TCAF1: variants seen among roughly 807,000 people sequenced by gnomAD.
TCAF1 encodes TRPM8 channel-associated factor 1.
Under a neutral mutation model 27.3 loss-of-function variants are expected in TCAF1, and 4 were observed. The observed-to-expected ratio is 0.15, with a 90% confidence interval of 0.07 to 0.34. TCAF1 has a LOEUF of 0.34. Among genes scored for constraint, TCAF1 ranks in the 10% least tolerant of loss-of-function variants. The pLI is 1.00. For synonymous variants in TCAF1, 105 were observed against 167.1 expected (o/e 0.63, Z 2.87); for missense variants, 257 against 425.8 (o/e 0.60, Z 3.49).
chr7:143,878,161 T>C (rs939779740), intron 1 of TCAF1, among the ~76,000 whole-genome samples: 1 of 152,240 alleles, frequency 6.6e-6, no homozygotes, highest in Non-Finnish European at 1.5e-5. Context: ...TGCCTTTTCA[T>C]AAGTATTATT....
intron 1 of TCAF1, chr7:143,884,859 A>G: frequency 8.4e-6 from 3 of 357,952 alleles, no homozygotes; most frequent in Non-Finnish European, 1.2e-5. Context: ...ATTTCATAAT[A>G]AAATAAAATA....
intron 1 of TCAF1, among the ~76,000 whole-genome samples, chr7:143,886,205 T>C (rs1269408437): frequency 6.6e-6 from 1 of 152,184 alleles, no homozygotes; most frequent in East Asian, 1.9e-4. Flanking sequence ...GAGATTTGCA[T>C]GGCCCCTGTC....
At chr7:143,895,642 T>G (rs1813838389) in intron 1 of TCAF1, among the ~76,000 whole-genome samples, 1 of 151,768 alleles carries the variant, frequency 6.6e-6, no homozygotes, top group African/African-American at 2.4e-5. Flanking sequence ...CTCAGGGTTT[T>G]TTTTTGTAAA....
chr7:143,885,777 T>G (rs946079037), intron 1 of TCAF1, among the ~76,000 whole-genome samples: 5 of 152,128 alleles, frequency 3.3e-5, no homozygotes, highest in African/African-American at 1.2e-4. Flanking sequence ...TGTTCATATG[T>G]ACTTATATAA....
chr7:143,851,452 G>A lies in TCAF1; in HGVS notation c.*2681C>T, dbSNP rs1277373845. Reference sequence around the variant, plus strand: ...GGTAAAAAATTAAATAGTACAGAAGGACTTAAAATGAAAAACACAGTTTCC... The same window carrying A: ...GGTAAAAAATTAAATAGTACAGAAGAACTTAAAATGAAAAACACAGTTTCC... On this transcript the variant is annotated 3_prime_UTR_variant, in exon 9 of 9. Transcript: ENST00000479870. The A allele has an allele frequency of 6.6e-6, 1 of 152,222 alleles. No homozygotes were observed. The highest frequency in any genetic ancestry group is 2.4e-5 in the African/African-American group (1 of 41,446). The allele number at this position is 152,222 out of a possible 1,614,324, so 9.4% of individuals were successfully genotyped here. A position where few individuals can be genotyped will look rare whatever the true frequency, so the allele number is the denominator to read the frequency against.
rs548632296 is a variant in TCAF1 at position 143,899,490 on chromosome 7, C to A, written c.-15+2471G>T. On this transcript the variant is annotated intron_variant, in intron 1 of 8. Transcript: ENST00000479870. ...GAATAAACAACATAAAAATCAGTTT[C>A]CATGTGGATTAAGACTAATTGCCAA... Among the ~76,000 whole-genome samples the A allele has an allele frequency of 1.1e-4, 16 of 152,294 alleles. No individual in the cohort carries two copies. In the South Asian group the frequency reaches 3.3e-3, roughly 32 times the overall value.
chr7:143,892,297 T>C (rs1283892760), intron 1 of TCAF1, among the ~76,000 whole-genome samples: 1 of 152,028 alleles, frequency 6.6e-6, no homozygotes, highest in Admixed American at 6.6e-5. Context: ...AAACTTAAAA[T>C]TTTGCATTGA....
At chr7:143,885,332 G>C (rs1469034675) in intron 1 of TCAF1, 14 of 985,390 alleles carry the variant, frequency 1.4e-5, no homozygotes, top group Non-Finnish European at 1.7e-5. Flanking sequence ...TGGCTAGGAG[G>C]AGGCGTGTGG....
intron 1 of TCAF1, among the ~76,000 whole-genome samples, chr7:143,877,964 G>A (rs527381165): frequency 2.6e-5 from 4 of 152,158 alleles, no homozygotes; most frequent in East Asian, 1.9e-4. Context: ...AACATAATAC[G>A]CAACCTGATT....
chr7:143,898,501 ATAAT>A (rs765680355), intron 1 of TCAF1, among the ~76,000 whole-genome samples: 25 of 152,194 alleles, frequency 1.6e-4, no homozygotes, highest in East Asian at 5.8e-4. Context: ...TGATTGATAT[ATAAT>A]TAATATATAA....
chr7:143,894,644 T>C (rs1182288213), intron 1 of TCAF1, among the ~76,000 whole-genome samples: 1 of 151,684 alleles, frequency 6.6e-6, no homozygotes, highest in Non-Finnish European at 1.5e-5. Context: ...GACCTAGAGG[T>C]AGGCAAAATT....
intron 1 of TCAF1, chr7:143,885,149 G>A (rs759892473): frequency 2.5e-5 from 25 of 985,474 alleles, no homozygotes; most frequent in Non-Finnish European, 2.9e-5. Context: ...AGCCGCCCCT[G>A]AATTGGTCCG....
At chr7:143,900,818 A>C (rs1394780575) in intron 1 of TCAF1, among the ~76,000 whole-genome samples, 2 of 152,208 alleles carry the variant, frequency 1.3e-5, no homozygotes, top group African/African-American at 4.8e-5. Flanking sequence ...TACACCTTAA[A>C]TGACGAAAAC....
chr7:143,875,997 C>T lies in TCAF1; in HGVS notation c.612G>A (p.Val204=). 6.4e-7 allele frequency: 1 copy of T among 1,554,302 alleles called. No individual in the cohort carries two copies. Among genetic ancestry groups the T allele is most frequent in the Non-Finnish European group, 8.7e-7 (1 of 1,149,326 alleles). ...KVSKKMPKIP[V]LVSCEDDLSD... is the part of the protein sequence containing the mutation. The stretch of plus-strand genomic sequence containing the variant: ...TGGGGTAACATACTCACCTAACCAA[C>T]ACTGGGATCTTGGGCATCTTCTTGG... Residue 204 remains valine, a synonymous_variant, in exon 2 of 9, where the codon GTG becomes GTA. Coordinates refer to ENST00000479870, the MANE Select transcript of TCAF1 (RefSeq NM_014719.3).
chr7:143,898,008 T>G lies in TCAF1; in HGVS notation c.-15+3953A>C, dbSNP rs772938397. Among the ~76,000 whole-genome samples the G allele has an allele frequency of 1.2e-4, 18 of 152,254 alleles. No homozygotes were observed. In the South Asian group the frequency reaches 1.4e-3, roughly 12 times the overall value. ...TCCACATACAGAAATTACTACATAT[T>G]TACCACAAAAGGTTTATTCCAAGAA... On this transcript the variant is annotated intron_variant, in intron 1 of 8. Transcript: ENST00000479870.
chr7:143,900,497 G>A (rs1814068800), intron 1 of TCAF1, among the ~76,000 whole-genome samples: 1 of 152,128 alleles, frequency 6.6e-6, no homozygotes, highest in South Asian at 2.1e-4. Flanking sequence ...GCAGTCATGT[G>A]AGTAAGCCTG....
In TCAF1 at chr7:143,876,105, G is replaced by A. The variant is rs117822670; in HGVS notation, c.504C>T (p.Phe168=). Residue 168 remains phenylalanine (F), a synonymous_variant, in exon 2 of 9, where the codon TTC becomes TTT. Transcript: ENST00000479870. ...ANQGEDERVL[F]TFPGNLVTSV... ...TGGTCACGAGGTTCCCAGGGAACGT[G>A]AACAGAACCCTTTCATCCTCCCCCT... The A allele has an allele frequency of 7.9e-4, 1,283 of 1,614,164 alleles. 3 individuals are homozygous for A. Among genetic ancestry groups the A allele is most frequent in the Non-Finnish European group, 1.0e-3 (1,224 of 1,180,026 alleles).
intron 5 of TCAF1, among the ~76,000 whole-genome samples, chr7:143,860,741 A>C (rs1812000516): frequency 1.4e-5 from 2 of 147,906 alleles, no homozygotes; most frequent in Admixed American, 6.8e-5. Context: ...TACCCACCCC[A>C]CTGACAGGCC....
rs117382947 is a variant in TCAF1 at position 143,901,032 on chromosome 7, T to C, written c.-15+929A>G. On this transcript the variant is annotated intron_variant, in intron 1 of 8. Transcript: ENST00000479870. Reference sequence around the variant, plus strand: ...ACGAAAGATGTCACATCTCAGAGAATGGAGGAGAATGGACCATGGGCATCA... The same window carrying C: ...ACGAAAGATGTCACATCTCAGAGAACGGAGGAGAATGGACCATGGGCATCA... 5.3e-5 allele frequency among the ~76,000 whole-genome samples: 8 copies of C among 152,280 alleles called. No homozygotes were observed. In the East Asian group the frequency reaches 9.6e-4, roughly 18 times the overall value.
Sources: gnomAD v4.1 joint callset for allele counts (sites outside exome capture counted in the v4.1 genomes callset) on GRCh38, gnomAD v4.1.1 for gene constraint, MANE v1.5 for transcripts, NCBI Gene and HGNC (gene_info 2026-07-23, HGNC 2026-07-21) for gene names.